ZNF407: variants seen among roughly 807,000 people sequenced by gnomAD.
ZNF407 encodes zinc finger protein 407.
In ZNF407, 17 loss-of-function variants were observed where a neutral mutation model predicts 131.2. The observed-to-expected ratio is 0.13, with a 90% CI of 0.09 to 0.19. The LOEUF (loss-of-function observed/expected upper bound fraction) is 0.19, where lower values mean the gene tolerates loss of function less well. Among genes scored for constraint, ZNF407 ranks in the 10% least tolerant of loss-of-function variants. The pLI is 1.00. For missense variants in ZNF407, 2,681 were observed against 2,830.6 expected, an observed-to-expected ratio of 0.95 and a Z score of 1.20; for synonymous variants, 1,156 against 1,062.0, an observed-to-expected ratio of 1.09 and a Z score of -1.72.
Position 74,632,633 on chromosome 18 carries a change from A to G in ZNF407, c.1614A>G (p.Thr538=). The change falls in exon 2 of 9, where the codon ACA becomes ACG. Residue 538 remains threonine (T), a synonymous_variant. Coordinates refer to ENST00000299687, the MANE Select transcript of ZNF407 (RefSeq NM_017757.3). ...CACTDCGQVA[T]NRTDLEIHVK... ...GTACAGACTGTGGGCAAGTAGCTACAAATAGGACAGATTTGGAAATCCATG... is the reference window on the plus strand; with the variant it reads ...GTACAGACTGTGGGCAAGTAGCTACGAATAGGACAGATTTGGAAATCCATG... 6.2e-7 allele frequency: 1 copy of G among 1,614,048 alleles called. No homozygotes were observed. Among genetic ancestry groups the G allele is most frequent in the Non-Finnish European group, 8.5e-7 (1 of 1,179,904 alleles).
chr18:74,610,646 C>T (rs8093239), intron 1 of ZNF407, among the ~76,000 whole-genome samples: 18,130 of 152,038 alleles, frequency 0.12, 1,205 homozygotes, highest in Non-Finnish European at 0.14. Flanking sequence ...GCCTCCCTGG[C>T]CCAAACAATT....
intron 4 of ZNF407, among the ~76,000 whole-genome samples, chr18:74,869,695 G>T (rs1262069874): frequency 6.6e-6 from 1 of 152,154 alleles, no homozygotes; most frequent in Admixed American, 6.5e-5. Flanking sequence ...TTGGTAAACT[G>T]CAGCTTCCAG....
At chr18:74,620,025 TAA>T (rs36173609) in intron 1 of ZNF407, among the ~76,000 whole-genome samples, 1 of 147,284 alleles carries the variant, frequency 6.8e-6, no homozygotes. Context: ...TCCCAATAAT[TAA>T]AAAAAAAAAA....
At chr18:74,901,895 G>C (rs761591987) in intron 7 of ZNF407, among the ~76,000 whole-genome samples, 3 of 140,648 alleles carry the variant, frequency 2.1e-5, no homozygotes, top group Non-Finnish European at 4.6e-5. Context: ...TCAACACAAG[G>C]TTTCAGTTTT....
chr18:75,010,141 C>A (rs1027346217), intron 8 of ZNF407, among the ~76,000 whole-genome samples: 2 of 152,312 alleles, frequency 1.3e-5, no homozygotes, highest in East Asian at 3.9e-4. Context: ...CAGTCCATTT[C>A]TTTTCTGATC....
In ZNF407 at chr18:74,635,501, C is replaced by G; in HGVS notation, c.4482C>G (p.Pro1494=). The stretch of plus-strand genomic sequence containing the variant: ...TTAAATGTGTCAAGTGCACAGAGCC[C>G]TTTGATTCTGAACAGAATTTATTTT... ...ATFKCVKCTE[P]FDSEQNLFLH... is the part of the protein sequence containing the mutation. Residue 1494 remains proline (P), a synonymous_variant, in exon 2 of 9, where the codon CCC becomes CCG. Transcript: ENST00000299687. This position sits in a 1 kb window ranked among gnomAD's most constrained non-coding sequence, Gnocchi z 4.7. 6.2e-7 allele frequency: 1 copy of G among 1,612,322 alleles called. No individual in the cohort carries two copies. Among genetic ancestry groups the G allele is most frequent in the Non-Finnish European group, 8.5e-7 (1 of 1,179,040 alleles).
chr18:74,676,670 G>C (rs561464579), intron 3 of ZNF407, among the ~76,000 whole-genome samples: 3 of 151,970 alleles, frequency 2.0e-5, no homozygotes, highest in African/African-American at 2.4e-5. Context: ...TCCTGACCTC[G>C]TGATCTGCCC....
In ZNF407 at chr18:74,608,434, G is replaced by C. The variant is rs576395519; in HGVS notation, c.-54+10497G>C. ...CTCATCTCGGCTCACTGCAGTTTCC[G>C]CCTCCTGGTTCAAGCGATTCTTCTG... On this transcript the variant is annotated intron_variant, in intron 1 of 8. Coordinates refer to ENST00000299687, the MANE Select transcript of ZNF407 (RefSeq NM_017757.3). Among the ~76,000 whole-genome samples the C allele has an allele frequency of 2.7e-5, 4 of 150,876 alleles. No individual in the cohort carries two copies. The East Asian group carries it at 7.8e-4, about 29-fold the overall frequency.
In ZNF407 at chr18:74,931,730, C is replaced by T. The variant is rs527485430; in HGVS notation, c.5428+11038C>T. Among the ~76,000 whole-genome samples the T allele has an allele frequency of 1.6e-4, 25 of 152,204 alleles. 2 individuals are homozygous for T. The South Asian group carries it at 5.0e-3, about 30-fold the overall frequency. The stretch of plus-strand genomic sequence containing the variant: ...TTCCCGCCAGCAATGTGTGAGTTCC[C>T]GTCACTCCACGTACTCACCAGGAAC... On this transcript the variant is annotated intron_variant, in intron 8 of 8. Coordinates refer to ENST00000299687, the MANE Select transcript of ZNF407 (RefSeq NM_017757.3).
At chr18:74,843,793 G>T (rs138634173) in intron 4 of ZNF407, among the ~76,000 whole-genome samples, 2 of 152,058 alleles carry the variant, frequency 1.3e-5, no homozygotes, top group Non-Finnish European at 2.9e-5. Context: ...CATAACAGCA[G>T]CCCCTTGAAG....
chr18:75,028,717 AG>A (rs1247423514), intron 8 of ZNF407, among the ~76,000 whole-genome samples: 1 of 152,220 alleles, frequency 6.6e-6, no homozygotes, highest in East Asian at 1.9e-4. Context: ...GTACTCCTAC[AG>A]GAACAATGCG....
intron 3 of ZNF407, among the ~76,000 whole-genome samples, chr18:74,659,562 T>C (rs1985623022): frequency 6.6e-6 from 1 of 152,162 alleles, no homozygotes; most frequent in Non-Finnish European, 1.5e-5. Flanking sequence ...TGGTCTGTGA[T>C]TGTGCTTGAG....
chr18:74,743,601 G>A (rs1327042803), intron 3 of ZNF407, among the ~76,000 whole-genome samples: 1 of 152,092 alleles, frequency 6.6e-6, no homozygotes, highest in Admixed American at 6.6e-5. Context: ...GAGTTGTCAT[G>A]TTTTAAGATC....
intron 4 of ZNF407, among the ~76,000 whole-genome samples, chr18:74,819,099 C>T (rs1002547418): frequency 7.9e-5 from 12 of 151,990 alleles, no homozygotes; most frequent in African/African-American, 2.9e-4. Context: ...CCGCCTTGGT[C>T]AAGTATTCAG....
intron 3 of ZNF407, among the ~76,000 whole-genome samples, chr18:74,701,463 G>C (rs1967492837): frequency 6.6e-6 from 1 of 152,108 alleles, no homozygotes. Context: ...GTTGAATTCT[G>C]TGTTTCATGC....
In ZNF407 at chr18:74,631,665, A is replaced by G. The variant is rs1321944613; in HGVS notation, c.646A>G (p.Thr216Ala). The stretch of plus-strand genomic sequence containing the variant: ...TCACATGCAGCAGCCTAAGGAACAT[A>G]CCTGTTGTCACTGCAGCCACAAAGC... The part of the protein sequence containing the change: ...ESHMQQPKEH[T>A]CCHCSHKAES... Residue 216 changes from threonine to alanine, a missense_variant, in exon 2 of 9, where the codon ACC becomes GCC. By Grantham distance (58) the Thr-to-Ala change is moderately conservative. Coordinates refer to ENST00000299687, the MANE Select transcript of ZNF407 (RefSeq NM_017757.3). 1.2e-6 allele frequency: 2 copies of G among 1,613,966 alleles called. No homozygotes were observed. Among genetic ancestry groups the G allele is most frequent in the Admixed American group, 3.3e-5 (2 of 60,006 alleles).
At chr18:74,987,271 A>C (rs1195315281) in intron 8 of ZNF407, among the ~76,000 whole-genome samples, 1 of 152,156 alleles carries the variant, frequency 6.6e-6, no homozygotes, top group Non-Finnish European at 1.5e-5. Context: ...AGTTGTTAAG[A>C]TCACATTGAT....
intron 8 of ZNF407, among the ~76,000 whole-genome samples, chr18:75,004,397 T>C (rs1972883023): frequency 6.6e-6 from 1 of 152,204 alleles, no homozygotes; most frequent in African/African-American, 2.4e-5. Flanking sequence ...ACGTCTCTGA[T>C]TCTCAGTGAG....
intron 4 of ZNF407, among the ~76,000 whole-genome samples, chr18:74,839,683 T>C (rs1238805785): frequency 6.6e-6 from 1 of 152,172 alleles, no homozygotes; most frequent in Non-Finnish European, 1.5e-5. Context: ...GAAAATGCAT[T>C]GCCAGTTGCT....
Sources: allele counts gnomAD v4.1 joint callset (sites outside exome capture counted in the v4.1 genomes callset), GRCh38; gene constraint gnomAD v4.1.1; non-coding constraint Gnocchi (gnomAD v3.1); transcripts MANE v1.5; gene names NCBI Gene and HGNC (gene_info 2026-07-23, HGNC 2026-07-21).